Variants in SAMSN1 observed in about 807,000 individuals in gnomAD.
SAMSN1 encodes the protein SAM domain, SH3 domain and nuclear localization signals 1, also known as SAM domain-containing protein SAMSN-1.
SAMSN1 carries 31 observed loss-of-function variants against 42.0 expected under a neutral mutation model. The ratio of observed to expected loss-of-function variants is 0.74; its 90% CI spans 0.55 to 1.00. SAMSN1 has a LOEUF of 1.00. Among genes scored for constraint, SAMSN1 ranks in the 50% least tolerant of loss-of-function variants. SAMSN1 has a pLI of 0.00. For synonymous variants in SAMSN1, 178 were observed against 151.9 expected (o/e 1.17, Z -1.26); for missense variants, 464 against 439.4 (o/e 1.06, Z -0.50).
intron 2 of SAMSN1, among the ~76,000 whole-genome samples, chr21:14,579,498 G>A (rs140771388): frequency 6.6e-6 from 1 of 152,238 alleles, no homozygotes; most frequent in East Asian, 1.9e-4. Context: ...AGAACAGCTA[G>A]AAAAACAAGA....
At chr21:14,515,530 C>G (rs1987877258) in intron 3 of SAMSN1, among the ~76,000 whole-genome samples, 1 of 152,062 alleles carries the variant, frequency 6.6e-6, no homozygotes, top group Admixed American at 6.5e-5. Flanking sequence ...ATTTAAGAGA[C>G]TATTGGCCTC....
intron 6 of SAMSN1, among the ~76,000 whole-genome samples, chr21:14,499,758 T>A (rs963037609): frequency 3.9e-5 from 6 of 152,046 alleles, no homozygotes; most frequent in Non-Finnish European, 8.8e-5. Flanking sequence ...AAGAGTAATA[T>A]AGGAAGGCTT....
chr21:14,559,456 C>T (rs2123194742), intron 2 of SAMSN1, among the ~76,000 whole-genome samples: 1 of 152,256 alleles, frequency 6.6e-6, no homozygotes, highest in East Asian at 1.9e-4. Flanking sequence ...CTATGACTGA[C>T]TAATGTCTTG....
intron 2 of SAMSN1, among the ~76,000 whole-genome samples, chr21:14,557,401 G>A (rs139898280): frequency 1.1e-4 from 16 of 152,216 alleles, no homozygotes; most frequent in African/African-American, 3.6e-4. Flanking sequence ...CTCCTTCAGG[G>A]ACAAAGGTAG....
upstream of SAMSN1, chr21:14,583,512 T>C: frequency 1.7e-6 from 1 of 590,828 alleles, no homozygotes; most frequent in Non-Finnish European, 3.0e-6. Flanking sequence ...ATGTCTGTTT[T>C]AAAATAACTT....
intron 2 of SAMSN1, among the ~76,000 whole-genome samples, chr21:14,624,476 C>A (rs979909253): frequency 6.6e-6 from 1 of 152,086 alleles, no homozygotes; most frequent in Non-Finnish European, 1.5e-5. Context: ...ATACAAACTA[C>A]CATCAGAGAA....
intron 1 of SAMSN1, among the ~76,000 whole-genome samples, chr21:14,647,639 G>C (rs1277488203): frequency 2.2e-5 from 3 of 137,076 alleles, no homozygotes; most frequent in Admixed American, 7.7e-5. Context: ...TCTTCCATTT[G>C]TTTGTGTCCT....
At chr21:14,653,800 T>A (rs2123399816) in intron 1 of SAMSN1, among the ~76,000 whole-genome samples, 1 of 151,682 alleles carries the variant, frequency 6.6e-6, no homozygotes, top group African/African-American at 2.4e-5. Flanking sequence ...ACAAAAATTT[T>A]AAAAATTTGA....
intron 6 of SAMSN1, among the ~76,000 whole-genome samples, 169 bp downstream of exon 6, chr21:14,500,360 C>T (rs2123686886): frequency 6.6e-6 from 1 of 152,236 alleles, no homozygotes; most frequent in East Asian, 1.9e-4. Context: ...AAGACTTGTC[C>T]TTGCATAAAA....
intron 5 of SAMSN1, among the ~76,000 whole-genome samples, chr21:14,605,998 C>G (rs764135597): frequency 6.6e-6 from 1 of 151,814 alleles, no homozygotes; most frequent in African/African-American, 2.4e-5. Flanking sequence ...CCCGCCACCA[C>G]GCCCGGCTAA....
chr21:14,502,065 CT>C (rs1987184214), intron 5 of SAMSN1, among the ~76,000 whole-genome samples: 1 of 152,150 alleles, frequency 6.6e-6, no homozygotes, highest in Non-Finnish European at 1.5e-5. Flanking sequence ...TATTTTTGCC[CT>C]TTTTAAGTGT....
upstream of SAMSN1, chr21:14,583,856 G>T (rs1981836406): frequency 1.6e-6 from 1 of 638,796 alleles, no homozygotes; most frequent in African/African-American, 1.9e-5. Context: ...GATCATAAAT[G>T]TGGAAAAATT....
intron 7 of SAMSN1, 142 bp from the exon 8 acceptor site, chr21:14,486,256 A>ATC: frequency 1.6e-6 from 1 of 629,274 alleles, no homozygotes; most frequent in Non-Finnish European, 2.8e-6. Flanking sequence ...AGTAAAAGGT[A>ATC]TCTTTGTTTA....
At chr21:14,553,060 T>G (rs576274467) in intron 2 of SAMSN1, among the ~76,000 whole-genome samples, 2 of 152,224 alleles carry the variant, frequency 1.3e-5, no homozygotes, top group African/African-American at 4.8e-5. Flanking sequence ...AAAAAAATGT[T>G]TCTAGTTGGT....
chr21:14,538,960 A>G (rs1253735531), intron 1 of SAMSN1, among the ~76,000 whole-genome samples: 1 of 152,220 alleles, frequency 6.6e-6, no homozygotes, highest in Non-Finnish European at 1.5e-5. Flanking sequence ...GCTAAAATTT[A>G]TTAACACGGA....
chr21:14,518,907 C>T (rs1171335700), intron 2 of SAMSN1, among the ~76,000 whole-genome samples: 1 of 152,110 alleles, frequency 6.6e-6, no homozygotes, highest in East Asian at 1.9e-4. Flanking sequence ...TATAAAATTA[C>T]TTTGCTAACA....
intron 2 of SAMSN1, among the ~76,000 whole-genome samples, chr21:14,627,172 A>G (rs1468044359): frequency 6.6e-6 from 1 of 152,140 alleles, no homozygotes; most frequent in Non-Finnish European, 1.5e-5. Context: ...GATATACCTA[A>G]TGTAAATGAT....
At chr21:14,506,250 C>CA (rs1006941625) in intron 5 of SAMSN1, among the ~76,000 whole-genome samples, 1 of 151,230 alleles carries the variant, frequency 6.6e-6, no homozygotes, top group Admixed American at 6.6e-5. Flanking sequence ...AAAATTGAAA[C>CA]AAAAAAATAT....
chr21:14,524,997 G>T (rs566246768), intron 1 of SAMSN1, among the ~76,000 whole-genome samples: 3 of 152,092 alleles, frequency 2.0e-5, no homozygotes, highest in Non-Finnish European at 4.4e-5. Flanking sequence ...CATTTAATCT[G>T]CCTTTCCTGT....
Sources: gnomAD v4.1 joint callset for allele counts (sites outside exome capture counted in the v4.1 genomes callset) on GRCh38, gnomAD v4.1.1 for gene constraint, MANE v1.5 for transcripts, NCBI Gene and HGNC (gene_info 2026-07-23, HGNC 2026-07-21) for gene names.